The following UPF1 variants were observed in gnomAD, a reference collection of about 807,000 sequenced individuals.
UPF1 encodes UPF1 RNA helicase and ATPase.
In UPF1, 9 loss-of-function variants were observed where a neutral mutation model predicts 129.2. That is an observed-to-expected ratio of 0.07 (90% CI 0.04 to 0.12). The LOEUF is 0.12. Ranked by LOEUF, UPF1 falls within the 10% of genes least tolerant of loss-of-function variation. The pLI is 1.00. For missense variants in UPF1, 788 were observed against 1,525.3 expected, an observed-to-expected ratio of 0.52 and a Z score of 8.05; for synonymous variants, 649 against 644.9, an observed-to-expected ratio of 1.01 and a Z score of -0.10.
chr19:18,832,295 A>G lies in UPF1; in HGVS notation c.86A>G (p.Gln29Arg). Residue 29 changes from glutamine (Q) to arginine (R), a missense_variant, in exon 1 of 24, where the codon CAG (glutamine) becomes CGG (arginine). Physicochemically the swap from Gln to Arg is conservative, Grantham distance 43. Around this residue, in one of 6 missense-constraint regions of UPF1, gnomAD observed 112 missense variants for 128.2 expected, o/e 0.87. Transcript: ENST00000262803. The surrounding 1 kb of genome is among the most constrained non-coding windows in gnomAD (Gnocchi z 5.6). The stretch of plus-strand genomic sequence containing the variant: ...GCCGAGCTGCTTGGCGCCGACACAC[A>G]GGGCTCCGAGTTCGAGTTCACCGAC... ...EEAELLGADT[Q>R]GSEFEFTDFT... 1 of 1,537,568 alleles carries G rather than the reference A, an allele frequency of 6.5e-7. No homozygotes were observed.
At chr19:18,834,298 T>C (rs1327806089) in intron 1 of UPF1, among the ~76,000 whole-genome samples, 1 of 152,200 alleles carries the variant, frequency 6.6e-6, no homozygotes, top group Admixed American at 6.5e-5. Flanking sequence ...GGGGGTTGGC[T>C]GGGTGTGAAA....
rs940698317 is a variant in UPF1, at chr19:18,851,741, C to T, written c.811-394C>T. Among the ~76,000 whole-genome samples, 1 of 152,156 alleles carries T rather than the reference C, an allele frequency of 6.6e-6. No homozygotes were observed. Among genetic ancestry groups the T allele is most frequent in the Non-Finnish European group, 1.5e-5 (1 of 68,030 alleles). ...AACCGGTGGTCTTTGTGGCAGCCTG[C>T]GAGGCGGGTTAGCTGCTCTCGTTCA... On this transcript the variant is annotated intron_variant, in intron 5 of 23. Coordinates refer to ENST00000262803, the MANE Select transcript of UPF1 (RefSeq NM_002911.4). The surrounding 1 kb of genome is among the most constrained non-coding windows in gnomAD (Gnocchi z 4.2).
Position 18,855,116 on chromosome 19 carries a change from T to C in UPF1, c.1426-8T>C. On this transcript the variant is annotated splice_polypyrimidine_tract_variant and splice_region_variant and intron_variant, in intron 10 of 23. Transcript: ENST00000262803. ...GGAGGCTGCCCCTAACGGCCGCTTG[T>C]ATTGAAGGTTTATGCCGTGAAGACT... The C allele has an allele frequency of 6.2e-7, 1 of 1,613,774 alleles. No individual in the cohort carries two copies. The highest frequency in any genetic ancestry group is 8.5e-7 in the Non-Finnish European group (1 of 1,179,810).
At chr19:18,846,982 G>A (rs959552316) in intron 2 of UPF1, among the ~76,000 whole-genome samples, 9 of 152,288 alleles carry the variant, frequency 5.9e-5, no homozygotes, top group Admixed American at 2.0e-4. Flanking sequence ...CGACAGTCAC[G>A]GCAGGTTTGG....
chr19:18,857,206 C>T, intron 14 of UPF1, 114 bp from the exon 15 acceptor site: 3 of 1,464,008 alleles, frequency 2.0e-6, no homozygotes, highest in East Asian at 2.3e-5. Context: ...TGAGCAATGC[C>T]CCTGTGGCCA....
intron 2 of UPF1, among the ~76,000 whole-genome samples, chr19:18,846,581 G>A (rs2145945323): frequency 6.6e-6 from 1 of 152,230 alleles, no homozygotes; most frequent in East Asian, 1.9e-4. Context: ...GTAGTTAGTG[G>A]ATAGACCTGC....
chr19:18,860,299 A>C (rs1015519891), intron 15 of UPF1, 22 bp from the exon 16 acceptor site: 21 of 1,611,628 alleles, frequency 1.3e-5, no homozygotes, highest in Non-Finnish European at 1.7e-5. Context: ...TTGAAGTGTT[A>C]CTTCTTTCCC....
Position 18,868,017 on chromosome 19 carries a change from GGTGACC to G in UPF1, c.*1501_*1506del, listed in dbSNP as rs2055877763. ...AGGCATGCACCGGGTAGGTTTCCGC[GGTGACC>G]CCGCGGCGGCCTGAGGGACGCTCCC... On this transcript the variant is annotated 3_prime_UTR_variant, in exon 24 of 24. Transcript: ENST00000262803. 6.3e-6 allele frequency: 1 copy of G among 157,740 alleles called. No individual in the cohort carries two copies. The highest frequency in any genetic ancestry group is 1.8e-4 in the South Asian group (1 of 5,426). The allele number at this position is 157,740 out of a possible 1,614,324, so 9.8% of individuals were successfully genotyped here.
intron 20 of UPF1, among the ~76,000 whole-genome samples, chr19:18,864,733 G>GT (rs10682791): frequency 0.067 from 4,906 of 73,532 alleles, 499 homozygotes; most frequent in African/African-American, 0.22. Flanking sequence ...ATTTGCAGGT[G>GT]TTTTTTTTTT....
intron 15 of UPF1, 53 bp from the exon 16 acceptor site, chr19:18,860,268 A>G: frequency 1.3e-6 from 2 of 1,587,492 alleles, no homozygotes; most frequent in Non-Finnish European, 1.7e-6. Context: ...GTCTGAACTC[A>G]TTTGAGGCGG....
chr19:18,861,670 C>CA (rs143409064), intron 17 of UPF1, among the ~76,000 whole-genome samples: 2,957 of 149,980 alleles, frequency 0.02, 100 homozygotes, highest in African/African-American at 0.065. Flanking sequence ...CTGCCTCCAC[C>CA]AAAAAAAAAT....
intron 3 of UPF1, 94 bp downstream of exon 3, chr19:18,847,927 A>G (rs2055617914): frequency 7.2e-7 from 1 of 1,396,046 alleles, no homozygotes; most frequent in African/African-American, 1.4e-5. Flanking sequence ...GTAATATAAA[A>G]TCACGCTAAC....
At chr19:18,854,535 A>G in intron 8 of UPF1, 66 bp from the exon 9 acceptor site, 1 of 1,317,946 alleles carries the variant, frequency 7.6e-7, no homozygotes, top group Non-Finnish European at 1.1e-6. Flanking sequence ...AAGAGCGTGT[A>G]CCAAGGGTGG....
chr19:18,835,871 G>A (rs1416462709), intron 1 of UPF1, among the ~76,000 whole-genome samples: 1 of 152,168 alleles, frequency 6.6e-6, no homozygotes, highest in African/African-American at 2.4e-5. Flanking sequence ...TTCAGTAACT[G>A]CAAGACTGTT....
Position 18,853,596 on chromosome 19 carries a change from G to A in UPF1, c.1156+246G>A, listed in dbSNP as rs141919378. Among the ~76,000 whole-genome samples the A allele has an allele frequency of 3.1e-3, 478 of 152,310 alleles. 2 individuals are homozygous for A. The highest frequency in any genetic ancestry group is 0.018 in the South Asian group (87 of 4,830). On this transcript the variant is annotated intron_variant, in intron 8 of 23. Coordinates refer to ENST00000262803, the MANE Select transcript of UPF1 (RefSeq NM_002911.4). This position sits in a 1 kb window ranked among gnomAD's most constrained non-coding sequence, Gnocchi z 4.4. ...TGATGTTGGTGATGCCACTTGTGTG[G>A]CGCGTCCCTGGGCTGACTCTGGAAG...
Position 18,836,064 on chromosome 19 carries a change from C to T in UPF1, c.231+3624C>T, listed in dbSNP as rs545774154. Reference sequence around the variant, plus strand: ...TCCTTTTCTTGTTTATGAAATGAAACTGATATTTATCAAAGCCCTTGAGAT... The same window carrying T: ...TCCTTTTCTTGTTTATGAAATGAAATTGATATTTATCAAAGCCCTTGAGAT... On this transcript the variant is annotated intron_variant, in intron 1 of 23. Coordinates refer to ENST00000262803, the MANE Select transcript of UPF1 (RefSeq NM_002911.4). 3.2e-4 allele frequency among the ~76,000 whole-genome samples: 48 copies of T among 152,320 alleles called. 1 individual carries two copies. The highest frequency in any genetic ancestry group is 3.4e-3 in the Middle Eastern group (1 of 294).
At chr19:18,858,350 A>G (rs889122035) in intron 15 of UPF1, among the ~76,000 whole-genome samples, 1 of 152,216 alleles carries the variant, frequency 6.6e-6, no homozygotes, top group Non-Finnish European at 1.5e-5. Context: ...CCCAACACCT[A>G]GAGACTTTTC....
rs116836107 is a variant in UPF1 at position 18,848,106 on chromosome 19, T to C, written c.461+273T>C. 563 of 402,500 alleles carry C rather than the reference T, an allele frequency of 1.4e-3. 5 individuals carry two copies. The highest frequency in any genetic ancestry group is 0.01 in the African/African-American group (506 of 48,980). 24.9% of individuals were successfully genotyped at this position (402,500 alleles called of 1,614,324 possible). A position where few individuals can be genotyped will look rare whatever the true frequency, so the allele number is the denominator to read the frequency against. On this transcript the variant is annotated intron_variant, in intron 3 of 23. Transcript: ENST00000262803. ...TTTTTATTTCGATTTTTCTGCAAGA[T>C]GAGCTCTTGGCACACCCGCTGATCT... is the stretch of plus-strand genomic sequence containing the variant.
chr19:18,865,880 C>T lies in UPF1; in HGVS notation c.3237+102C>T. ...CCAGAGAGCTGGCCTGGCCCATGTC[C>T]ACTGTCTGAATTACCTGTCCCTGGG... On this transcript the variant is annotated intron_variant, in intron 22 of 23. Coordinates refer to ENST00000262803, the MANE Select transcript of UPF1 (RefSeq NM_002911.4). The surrounding 1 kb of genome is among the most constrained non-coding windows in gnomAD (Gnocchi z 6.1). 1.3e-6 allele frequency: 2 copies of T among 1,575,144 alleles called. No individual in the cohort carries two copies. The highest frequency in any genetic ancestry group is 2.3e-5 in the South Asian group (2 of 88,860).
Sources: allele counts gnomAD v4.1 joint callset (sites outside exome capture counted in the v4.1 genomes callset), GRCh38; gene constraint gnomAD v4.1.1; regional missense constraint gnomAD v4.1.1; non-coding constraint Gnocchi (gnomAD v3.1); transcripts MANE v1.5; gene names NCBI Gene and HGNC (gene_info 2026-07-23, HGNC 2026-07-21).